Variants in GYG2 observed in about 807,000 individuals in gnomAD.
GYG2 encodes the protein glycogenin-2.
In GYG2, 29 loss-of-function variants were observed where a neutral mutation model predicts 29.4. The ratio of observed to expected loss-of-function variants is 0.99; its 90% CI spans 0.74 to 1.35. GYG2 has a LOEUF of 1.35. Ranked by LOEUF, GYG2 falls within the 40% of genes most tolerant of loss-of-function variation. The pLI, the probability that GYG2 is intolerant of heterozygous loss-of-function variation, is 0.00. For synonymous variants in GYG2, 167 were observed against 172.3 expected, an observed-to-expected ratio of 0.97 and a Z score of 0.24; for missense variants, 370 against 385.7, an observed-to-expected ratio of 0.96 and a Z score of 0.34.
chrX:2,831,808 G>A lies in GYG2; in HGVS notation c.7+1613G>A, dbSNP rs184727764. Among the ~76,000 whole-genome samples, 11 of 111,475 alleles carry A rather than the reference G, an allele frequency of 9.9e-5. No homozygotes were observed. The East Asian group carries it at 3.1e-3, about 31-fold the overall frequency. On this transcript the variant is annotated intron_variant, in intron 2 of 10. Coordinates refer to ENST00000398806, the MANE Select transcript of GYG2 (RefSeq NM_001079855.2). Reference sequence around the variant, plus strand: ...TGATCAGAAGATTCCTTGAGTGCAGGGGGGCAGGCAAGGGGTAGAAAGAAA... The same window carrying A: ...TGATCAGAAGATTCCTTGAGTGCAGAGGGGCAGGCAAGGGGTAGAAAGAAA...
At chrX:2,837,394 A>G (rs755898946) in intron 2 of GYG2, among the ~76,000 whole-genome samples, 17 of 111,678 alleles carry the variant, frequency 1.5e-4, no homozygotes, top group Non-Finnish European at 2.6e-4. Context: ...GTCTAACCTC[A>G]GTCATCTGTT....
Position 2,859,853 on chromosome X carries a change from A to G in GYG2, c.625A>G (p.Ser209Gly). 1 of 1,185,035 alleles carries G rather than the reference A, an allele frequency of 8.4e-7. No individual in the cohort carries two copies. The highest frequency in any genetic ancestry group is 1.1e-6 in the Non-Finnish European group (1 of 872,712). ...CTGTTTCCTTCTCAGATTCGGTTCC[A>G]GTGCAAAGGTCGTCCACTTTTTGGG... ...YSPAFKQFGS[S>G]AKVVHFLGSM... is the part of the protein sequence containing the mutation. The change falls in exon 7 of 11, where the codon AGT (serine) becomes GGT (glycine). Residue 209 changes from serine to glycine, a missense_variant. Coordinates refer to ENST00000398806, the MANE Select transcript of GYG2 (RefSeq NM_001079855.2).
At chrX:2,844,112 A>G (rs1345054303) in intron 3 of GYG2, among the ~76,000 whole-genome samples, 1 of 112,521 alleles carries the variant, frequency 8.9e-6, no homozygotes, top group Admixed American at 9.5e-5. Flanking sequence ...ACCACTTAAA[A>G]AAATTGATTT....
intron 6 of GYG2, among the ~76,000 whole-genome samples, chrX:2,858,784 A>T (rs1395641822): frequency 1.8e-5 from 2 of 111,648 alleles, no homozygotes; most frequent in African/African-American, 6.5e-5. Flanking sequence ...TGAGGAGGTG[A>T]TCCACGAAAA....
At chrX:2,868,009 T>C (rs904852971) in intron 8 of GYG2, among the ~76,000 whole-genome samples, 1 of 110,397 alleles carries the variant, frequency 9.1e-6, no homozygotes, top group African/African-American at 3.3e-5. Flanking sequence ...AGCAGGAAAA[T>C]GGCTTGAACC....
At chrX:2,868,364 C>T (rs1187210866) in intron 8 of GYG2, among the ~76,000 whole-genome samples, 6 of 100,567 alleles carry the variant, frequency 6.0e-5, no homozygotes, top group South Asian at 4.7e-4. Context: ...AAAAATTAGC[C>T]GGAAATCGCT....
At chrX:2,837,838 T>TACACACAC (rs10578668) in intron 2 of GYG2, among the ~76,000 whole-genome samples, 3 of 100,310 alleles carry the variant, frequency 3.0e-5, no homozygotes, top group African/African-American at 1.1e-4. Flanking sequence ...TGCAATTAAA[T>TACACACAC]ACACACACAC....
At chrX:2,855,668 G>A (rs1318685211) in intron 5 of GYG2, among the ~76,000 whole-genome samples, 1 of 112,181 alleles carries the variant, frequency 8.9e-6, no homozygotes, top group East Asian at 2.8e-4. Flanking sequence ...CGGACAGATT[G>A]CTTGAGGCGA....
rs759799128 is a variant in GYG2 at position 2,879,588 on chromosome X, T to C, written c.1252-1464T>C. On this transcript the variant is annotated intron_variant, in intron 10 of 10. Transcript: ENST00000398806. Reference sequence around the variant, plus strand: ...CTATCTATCTATTTTCTATCATCTATCTCATCTATATATCCATTCATCCTC... The same window carrying C: ...CTATCTATCTATTTTCTATCATCTACCTCATCTATATATCCATTCATCCTC... 4.4e-5 allele frequency among the ~76,000 whole-genome samples: 5 copies of C among 112,478 alleles called. No individual in the cohort carries two copies. The East Asian group carries it at 1.4e-3, about 31-fold the overall frequency.
At chrX:2,872,848 C>G (rs1460016610) in intron 8 of GYG2, among the ~76,000 whole-genome samples, 1 of 112,067 alleles carries the variant, frequency 8.9e-6, no homozygotes, top group Non-Finnish European at 1.9e-5. Context: ...TCTGCAGGTC[C>G]TTTTCCTTGA....
chrX:2,870,359 A>T (rs1231209816), intron 8 of GYG2, among the ~76,000 whole-genome samples: 10 of 109,877 alleles, frequency 9.1e-5, no homozygotes, highest in African/African-American at 3.0e-4. Context: ...CCGCCACTAC[A>T]CCTGGCTAAT....
At chrX:2,836,590 T>C (rs2087376369) in intron 2 of GYG2, among the ~76,000 whole-genome samples, 1 of 105,557 alleles carries the variant, frequency 9.5e-6, no homozygotes, top group Non-Finnish European at 1.9e-5. Flanking sequence ...GAGGATAGCT[T>C]GAGCCCAGGA....
At chrX:2,860,091 C>T (rs923383271) in intron 7 of GYG2, 26 bp downstream of exon 7, 48 of 992,329 alleles carry the variant, frequency 4.8e-5, no homozygotes, top group Middle Eastern at 6.4e-4. Context: ...CCTTAAAACC[C>T]GTAGCTGAGG....
chrX:2,853,746 C>T (rs745602396), intron 3 of GYG2: 3 of 357,953 alleles, frequency 8.4e-6, no homozygotes, highest in South Asian at 1.3e-4. Context: ...GGTTTCACAC[C>T]ATTGGCATTT....
chrX:2,861,274 C>CTAAGTACTGGATTAT (rs775891611), intron 7 of GYG2, among the ~76,000 whole-genome samples: 2 of 111,450 alleles, frequency 1.8e-5, no homozygotes, highest in African/African-American at 6.5e-5. Context: ...GGGCGTTTTG[C>CTAAGTACTGGATTAT]TAAGTACTGG....
chrX:2,861,672 C>T lies in GYG2; in HGVS notation c.988C>T (p.Gln330Ter). Residue 330 changes from glutamine to a stop codon, truncating the protein, a stop_gained, in exon 8 of 11, where the codon CAG (glutamine) becomes TAG (stop). Transcript: ENST00000398806. LOFTEE classifies it high-confidence loss of function. ...TGCTCAGGGCCTTCCGGAGCCGACC[C>T]AGATAGTGGATGAGACCCTGTCCCT... ...QPAQGLPEPT[Q>*]IVDETLSLPE... 1 of 1,204,319 alleles carries T rather than the reference C, an allele frequency of 8.3e-7. No individual in the cohort carries two copies. Among genetic ancestry groups the T allele is most frequent in the South Asian group, 1.8e-5 (1 of 55,751 alleles).
chrX:2,847,703 A>AAAATAAATAAATAAATAAAT (rs34250808), intron 3 of GYG2, among the ~76,000 whole-genome samples: 1 of 80,962 alleles, frequency 1.2e-5, no homozygotes, highest in Non-Finnish European at 2.5e-5. Flanking sequence ...GGACTCTGTC[A>AAAATAAATAAATAAATAAAT]AAATAAATAA....
rs2088582845 is a variant in GYG2, at chrX:2,875,927, T to C, written c.1143+13T>C. The stretch of plus-strand genomic sequence containing the variant: ...TGAAACCATCTTGGTATTCCTCATC[T>C]ATATGACCTACACATGGCCAGCTCT... On this transcript the variant is annotated intron_variant, in intron 9 of 10. Transcript: ENST00000398806. The C allele has an allele frequency of 3.2e-6, 3 of 941,755 alleles. No individual in the cohort carries two copies. The African/African-American group carries it at 5.8e-5, about 18-fold the overall frequency. The allele number at this position is 941,755 out of a possible 1,213,427, so 77.6% of individuals were successfully genotyped here.
chrX:2,863,119 G>T (rs187423911), intron 8 of GYG2, among the ~76,000 whole-genome samples: 1,241 of 107,859 alleles, frequency 0.012, 23 homozygotes, highest in African/African-American at 0.04. Flanking sequence ...CTGTCACCCA[G>T]GCTGGAATGC....
Sources: allele counts gnomAD v4.1 joint callset (sites outside exome capture counted in the v4.1 genomes callset), GRCh38; gene constraint gnomAD v4.1.1; transcripts MANE v1.5; gene names NCBI Gene and HGNC (gene_info 2026-07-23, HGNC 2026-07-21).